PHF2: variants seen among roughly 807,000 people sequenced by gnomAD.
PHF2 encodes PHD finger protein 2, also known as lysine-specific demethylase PHF2.
Under a neutral mutation model 120.5 loss-of-function variants are expected in PHF2, and 27 were observed. The observed-to-expected ratio is 0.22, with a 90% CI of 0.17 to 0.31. The LOEUF (loss-of-function observed/expected upper bound fraction) is 0.31, where lower values mean the gene tolerates loss of function less well. Among genes scored for constraint, PHF2 ranks in the 10% least tolerant of loss-of-function variants. PHF2 has a pLI of 1.00. For synonymous variants in PHF2, 568 were observed against 592.5 expected, an observed-to-expected ratio of 0.96 and a Z score of 0.60; for missense variants, 1,024 against 1,434.8, an observed-to-expected ratio of 0.71 and a Z score of 4.63.
chr9:93,585,209 T>A (rs1454269351), intron 1 of PHF2, among the ~76,000 whole-genome samples: 1 of 152,238 alleles, frequency 6.6e-6, no homozygotes, highest in East Asian at 1.9e-4. Context: ...GGTCTTCTTT[T>A]TTAACCATAA....
chr9:93,583,009 A>G (rs997470216), intron 1 of PHF2, among the ~76,000 whole-genome samples: 26 of 152,170 alleles, frequency 1.7e-4, no homozygotes, highest in African/African-American at 5.8e-4. Flanking sequence ...CTAGTTCCCA[A>G]ACATCTTCCT....
Position 93,674,984 on chromosome 9 carries a change from A to G in PHF2, c.2684A>G (p.Lys895Arg), listed in dbSNP as rs118062601. 1.6e-4 allele frequency: 254 copies of G among 1,613,952 alleles called. 1 individual carries two copies. Among genetic ancestry groups the G allele is most frequent in the Non-Finnish European group, 2.1e-4 (252 of 1,179,988 alleles). The part of the protein sequence containing the change: ...DNPIFKSRSK[K>R]RKGSDDAPYS... The stretch of plus-strand genomic sequence containing the variant: ...CCCATCTTTAAGTCCCGGTCGAAGA[A>G]AAGGAAAGGCTCAGACGACGCTCCC... The change falls in exon 19 of 22, where the codon AAA (lysine) becomes AGA (arginine). Residue 895 changes from lysine to arginine, a missense_variant. This residue lies in a region of PHF2 where 677 missense variants were observed against 857.4 expected (regional missense o/e 0.79). Coordinates refer to ENST00000359246, the MANE Select transcript of PHF2 (RefSeq NM_005392.4).
chr9:93,622,006 A>G (rs1249996201), intron 1 of PHF2, among the ~76,000 whole-genome samples: 1 of 152,112 alleles, frequency 6.6e-6, no homozygotes, highest in Non-Finnish European at 1.5e-5. Flanking sequence ...CACCTGGGGC[A>G]TTTGGGGGCC....
chr9:93,677,602 A>G lies in PHF2; in HGVS notation c.3217A>G (p.Lys1073Glu). The G allele has an allele frequency of 6.2e-7, 1 of 1,613,776 alleles. No homozygotes were observed. Among genetic ancestry groups the G allele is most frequent in the Non-Finnish European group, 8.5e-7 (1 of 1,179,910 alleles). ...NTAAKGKRTK[K>E]GMATAKQRLG... ...GACTCCCCTAGGAAAACGTACGAAA[A>G]AGGGCATGGCGACCGCCAAGCAGAG... The change falls in exon 22 of 22, where the codon AAG (lysine) becomes GAG (glutamate). Residue 1073 changes from lysine (K) to glutamate (E), a missense_variant. Physicochemically the swap from Lys to Glu is moderately conservative, Grantham distance 56. Transcript: ENST00000359246. This position sits in a 1 kb window ranked among gnomAD's most constrained non-coding sequence, Gnocchi z 4.4.
At chr9:93,669,362 G>A (rs964642141) in intron 17 of PHF2, among the ~76,000 whole-genome samples, 6 of 152,264 alleles carry the variant, frequency 3.9e-5, no homozygotes, top group Non-Finnish European at 8.8e-5. Flanking sequence ...GGAGATGTCA[G>A]TGAGGGCAGG....
At chr9:93,675,223 G>A (rs1169154770) in intron 19 of PHF2, among the ~76,000 whole-genome samples, 1 of 152,186 alleles carries the variant, frequency 6.6e-6, no homozygotes, top group Non-Finnish European at 1.5e-5. Flanking sequence ...GCTTCTGGGG[G>A]CCTGGGAGCC....
intron 11 of PHF2, among the ~76,000 whole-genome samples, chr9:93,659,968 G>A (rs1826530226): frequency 6.6e-6 from 1 of 152,180 alleles, no homozygotes; most frequent in Admixed American, 6.5e-5. Flanking sequence ...AAGAGCCTTG[G>A]GGAGAGCAAG....
At chr9:93,654,302 G>A in intron 6 of PHF2, 111 bp from the exon 7 acceptor site, 1 of 918,932 alleles carries the variant, frequency 1.1e-6, no homozygotes, top group Non-Finnish European at 1.7e-6. Flanking sequence ...CAGTGTTGCA[G>A]GCGGGAGTCG....
rs1826983539 is a variant in PHF2 at position 93,679,510 on chromosome 9, T to C, written c.*1834T>C. The C allele has an allele frequency of 3.4e-6, 1 of 290,442 alleles. No individual in the cohort carries two copies. Among genetic ancestry groups the C allele is most frequent in the Non-Finnish European group, 6.7e-6 (1 of 148,976 alleles). 18.0% of individuals were successfully genotyped at this position (290,442 alleles called of 1,614,324 possible). On this transcript the variant is annotated 3_prime_UTR_variant, in exon 22 of 22. Transcript: ENST00000359246. The stretch of plus-strand genomic sequence containing the variant: ...TTTATTTCCCAATTCATATTACTCT[T>C]GTATCGAGTCCATGAGGTCTAAGGC...
chr9:93,588,444 G>A (rs570678765), intron 1 of PHF2, among the ~76,000 whole-genome samples: 1 of 152,300 alleles, frequency 6.6e-6, no homozygotes, highest in South Asian at 2.1e-4. Flanking sequence ...AGTTAAGCCA[G>A]CAACGAGAAT....
At chr9:93,673,953 C>A in intron 18 of PHF2, 91 bp downstream of exon 18, 1 of 1,379,194 alleles carries the variant, frequency 7.3e-7, no homozygotes. Context: ...ATGCAGCTCT[C>A]CAAGTTACAG....
chr9:93,583,421 T>C (rs1862970476), intron 1 of PHF2, among the ~76,000 whole-genome samples: 1 of 152,240 alleles, frequency 6.6e-6, no homozygotes, highest in South Asian at 2.1e-4. Context: ...CTTTTGGATA[T>C]ATACTTGGGA....
chr9:93,670,338 G>A (rs1587720150), intron 17 of PHF2, among the ~76,000 whole-genome samples: 1 of 152,228 alleles, frequency 6.6e-6, no homozygotes, highest in South Asian at 2.1e-4. Context: ...CAGGGGTGAG[G>A]ACTAGAAAGG....
At chr9:93,653,509 C>T in intron 6 of PHF2, 144 bp downstream of exon 6, 1 of 773,194 alleles carries the variant, frequency 1.3e-6, no homozygotes, top group Non-Finnish European at 2.1e-6. Context: ...GACAGGAGGC[C>T]TCTGGAGACA....
intron 2 of PHF2, among the ~76,000 whole-genome samples, chr9:93,631,052 A>G (rs552251580): frequency 6.6e-6 from 1 of 151,918 alleles, no homozygotes; most frequent in East Asian, 1.9e-4. Flanking sequence ...GAAGCACCAG[A>G]CCCCCGGACC....
chr9:93,592,958 C>T (rs1825256307), intron 1 of PHF2, among the ~76,000 whole-genome samples: 1 of 152,056 alleles, frequency 6.6e-6, no homozygotes, highest in South Asian at 2.1e-4. Context: ...GCCCCAGGCC[C>T]TGCAGCTGTA....
chr9:93,672,096 A>G (rs55693105), intron 17 of PHF2, among the ~76,000 whole-genome samples: 158 of 48,828 alleles, frequency 3.2e-3, no homozygotes, highest in South Asian at 4.7e-3. Context: ...GTGGGTGTGG[A>G]TGTAGGTACA....
intron 1 of PHF2, among the ~76,000 whole-genome samples, chr9:93,620,809 C>A (rs1237540942): frequency 6.6e-6 from 1 of 152,118 alleles, no homozygotes; most frequent in African/African-American, 2.4e-5. Context: ...TCTTATTTTT[C>A]GTTTTGCCAA....
At chr9:93,636,139 G>A (rs1180299840) in intron 2 of PHF2, among the ~76,000 whole-genome samples, 1 of 152,106 alleles carries the variant, frequency 6.6e-6, no homozygotes, top group Non-Finnish European at 1.5e-5. Flanking sequence ...GGGGTCCTGG[G>A]AGACCCCAGC....
Sources: allele counts gnomAD v4.1 joint callset (sites outside exome capture counted in the v4.1 genomes callset), GRCh38; gene constraint gnomAD v4.1.1; regional missense constraint gnomAD v4.1.1; non-coding constraint Gnocchi (gnomAD v3.1); transcripts MANE v1.5; gene names NCBI Gene and HGNC (gene_info 2026-07-23, HGNC 2026-07-21).